GABRG3: variants seen among roughly 807,000 people sequenced by gnomAD.
GABRG3 encodes the protein gamma-aminobutyric acid type A receptor subunit gamma3.
Under a neutral mutation model 48.8 loss-of-function variants are expected in GABRG3, and 25 were observed. The ratio of observed to expected loss-of-function variants is 0.51; its 90% confidence interval spans 0.37 to 0.72. The LOEUF (loss-of-function observed/expected upper bound fraction) is 0.72. GABRG3 is among the 30% of genes least tolerant of loss of function. The probability of loss-of-function intolerance (pLI) is 0.00; values close to 1 mark genes in which losing one functional copy is unlikely to be tolerated. For synonymous variants in GABRG3, 227 were observed against 217.6 expected (o/e 1.04, Z -0.38); for missense variants, 394 against 577.9 (o/e 0.68, Z 3.26).
chr15:27,318,629 GTTGTTTTGTT>G (rs150250861), intron 3 of GABRG3, among the ~76,000 whole-genome samples: 11 of 152,276 alleles, frequency 7.2e-5, no homozygotes, highest in African/African-American at 1.2e-4. Context: ...TGCATTTACT[GTTGTTTTGTT>G]TTGTTTTGTT....
chr15:27,249,557 C>G (rs1890390022), intron 3 of GABRG3, among the ~76,000 whole-genome samples: 1 of 152,192 alleles, frequency 6.6e-6, no homozygotes, highest in Non-Finnish European at 1.5e-5. Flanking sequence ...CTGTGCTCAC[C>G]ACTGGATGCA....
intron 3 of GABRG3, among the ~76,000 whole-genome samples, chr15:27,306,681 T>TAAA (rs774455938): frequency 2.0e-4 from 7 of 35,790 alleles, no homozygotes; most frequent in African/African-American, 2.7e-4. Context: ...TATAAACATA[T>TAAA]ATATGAACAT....
At position 27,236,986 on chromosome 15, in the gene GABRG3, C is replaced by T. The variant is rs1178733742; in HGVS notation, c.271-89823C>T. Among the ~76,000 whole-genome samples, 1 of 152,190 alleles carries T rather than the reference C, an allele frequency of 6.6e-6. No individual in the cohort carries two copies. The highest frequency in any genetic ancestry group is 1.5e-5 in the Non-Finnish European group (1 of 68,038). ...TATGCTTCCCAGCCTGCAGGACGGC[C>T]ACCCGTATGAAATAAAGCTCTCCTT... On this transcript the variant is annotated intron_variant, in intron 3 of 9. Transcript: ENST00000615808. This position sits in a 1 kb window ranked among gnomAD's most constrained non-coding sequence, Gnocchi z 4.4.
chr15:27,377,954 T>G (rs1206516936), intron 5 of GABRG3, among the ~76,000 whole-genome samples: 1 of 152,176 alleles, frequency 6.6e-6, no homozygotes, highest in Non-Finnish European at 1.5e-5. Flanking sequence ...AGATAGCAAG[T>G]GAGTGATCAT....
chr15:27,139,265 TG>T (rs957461673), intron 3 of GABRG3, among the ~76,000 whole-genome samples: 1 of 152,158 alleles, frequency 6.6e-6, no homozygotes, highest in East Asian at 1.9e-4. Flanking sequence ...GCGGCTGGTT[TG>T]GGGGGTGCAG....
intron 2 of GABRG3, among the ~76,000 whole-genome samples, chr15:26,980,462 G>A (rs1356806599): frequency 6.6e-6 from 1 of 152,056 alleles, no homozygotes; most frequent in Admixed American, 6.5e-5. Flanking sequence ...AGGATCACGA[G>A]GTCAGGAGAT....
chr15:27,481,699 A>G (rs1566860962), intron 6 of GABRG3, among the ~76,000 whole-genome samples: 1 of 152,206 alleles, frequency 6.6e-6, no homozygotes, highest in Non-Finnish European at 1.5e-5. Flanking sequence ...AGGGAGAAAA[A>G]CAAAAGATTC....
intron 3 of GABRG3, among the ~76,000 whole-genome samples, chr15:27,230,180 T>C (rs1889753878): frequency 6.6e-6 from 1 of 152,208 alleles, no homozygotes; most frequent in Non-Finnish European, 1.5e-5. Flanking sequence ...GGGATTGCCT[T>C]TCTGATTTGA....
chr15:27,154,569 C>T (rs1307323524), intron 3 of GABRG3, among the ~76,000 whole-genome samples: 1 of 152,164 alleles, frequency 6.6e-6, no homozygotes, highest in Non-Finnish European at 1.5e-5. Context: ...GATACTTGCT[C>T]TGCATTGTGA....
rs148185210 is a variant in GABRG3, at chr15:27,439,510, C to T, written c.575-41140C>T. ...AACACTACCTCAGAATCATTCCCTA[C>T]ACCATTTCTCAGGTGTTTATGAACT... On this transcript the variant is annotated intron_variant, in intron 5 of 9. Transcript: ENST00000615808. 5.5e-3 allele frequency among the ~76,000 whole-genome samples: 840 copies of T among 152,288 alleles called. 6 individuals carry two copies. Among genetic ancestry groups the T allele is most frequent in the Middle Eastern group, 0.01 (3 of 294 alleles).
chr15:27,081,833 T>G (rs998006587), intron 3 of GABRG3, among the ~76,000 whole-genome samples: 1 of 152,212 alleles, frequency 6.6e-6, no homozygotes, highest in Non-Finnish European at 1.5e-5. Flanking sequence ...CGTATGGGTA[T>G]GACATCGATT....
intron 3 of GABRG3, among the ~76,000 whole-genome samples, chr15:27,072,465 A>G (rs1896844617): frequency 6.6e-6 from 1 of 152,048 alleles, no homozygotes; most frequent in Non-Finnish European, 1.5e-5. Context: ...TTCAGATACC[A>G]CCTCTCTCAG....
At chr15:27,360,709 A>G (rs1894992893) in intron 5 of GABRG3, among the ~76,000 whole-genome samples, 2 of 152,146 alleles carry the variant, frequency 1.3e-5, no homozygotes, top group African/African-American at 4.8e-5. Context: ...AAGATCTGCA[A>G]GGGCAGCCCC....
intron 2 of GABRG3, among the ~76,000 whole-genome samples, chr15:27,023,817 C>G (rs142904622): frequency 2.6e-5 from 4 of 152,254 alleles, no homozygotes; most frequent in Admixed American, 6.5e-5. Context: ...GGTGTATACC[C>G]AGAAGTGGAA....
At chr15:27,446,995 C>A (rs1351536702) in intron 5 of GABRG3, among the ~76,000 whole-genome samples, 3 of 152,212 alleles carry the variant, frequency 2.0e-5, no homozygotes, top group Admixed American at 2.0e-4. Flanking sequence ...TGATGCTCCT[C>A]CCATGCACCA....
At chr15:27,088,799 G>A (rs1419478410) in intron 3 of GABRG3, among the ~76,000 whole-genome samples, 1 of 152,138 alleles carries the variant, frequency 6.6e-6, no homozygotes, top group East Asian at 1.9e-4. Context: ...GTGAGATTTG[G>A]GTGGGGACGC....
At chr15:27,261,540 GTA>G (rs914871269) in intron 3 of GABRG3, among the ~76,000 whole-genome samples, 3 of 148,990 alleles carry the variant, frequency 2.0e-5, no homozygotes, top group African/African-American at 4.9e-5. Flanking sequence ...ATATATATAT[GTA>G]TATATATATT....
intron 5 of GABRG3, among the ~76,000 whole-genome samples, chr15:27,330,602 G>A (rs1293672735): frequency 6.6e-6 from 1 of 152,228 alleles, no homozygotes; most frequent in African/African-American, 2.4e-5. Context: ...GGGATTGTGT[G>A]CACATGGACT....
chr15:27,388,066 TAAGG>T (rs1158782861), intron 5 of GABRG3, among the ~76,000 whole-genome samples: 38 of 24,976 alleles, frequency 1.5e-3, no homozygotes, highest in African/African-American at 7.8e-3. Flanking sequence ...GGAGGGAGGG[TAAGG>T]AAGGAAGGAA....
Sources: allele counts gnomAD v4.1 joint callset (sites outside exome capture counted in the v4.1 genomes callset), GRCh38; gene constraint gnomAD v4.1.1; non-coding constraint Gnocchi (gnomAD v3.1); transcripts MANE v1.5; gene names NCBI Gene and HGNC (gene_info 2026-07-23, HGNC 2026-07-21).